WDR41: variants seen among roughly 807,000 people sequenced by gnomAD.
WDR41 encodes WD repeat-containing protein 41.
Under a neutral mutation model 69.3 loss-of-function variants are expected in WDR41, and 63 were observed. That is an observed-to-expected ratio of 0.91 (90% confidence interval 0.74 to 1.12). The LOEUF (loss-of-function observed/expected upper bound fraction) is 1.12. Among genes scored for constraint, WDR41 ranks in the 50% most tolerant of loss-of-function variants. WDR41 has a pLI of 0.00. For synonymous variants in WDR41, 185 were observed against 192.1 expected, an observed-to-expected ratio of 0.96 and a Z score of 0.31; for missense variants, 543 against 534.5, an observed-to-expected ratio of 1.02 and a Z score of -0.16.
In WDR41 at chr5:77,437,982, T is replaced by C. The variant is rs537842657; in HGVS notation, c.1004+258A>G. Among the ~76,000 whole-genome samples, 17 of 152,350 alleles carry C rather than the reference T, an allele frequency of 1.1e-4. No homozygotes were observed. In the South Asian group the frequency reaches 3.3e-3, roughly 30 times the overall value. ...GTGGCCCCAAAGTCGTTTATGTTGT[T>C]AAATACCAAATTTTAAATCATCTCT... is the stretch of plus-strand genomic sequence containing the variant. On this transcript the variant is annotated intron_variant, in intron 10 of 12. Coordinates refer to ENST00000296679, the MANE Select transcript of WDR41 (RefSeq NM_018268.4).
At chr5:77,549,533 A>C (rs562638683) in intron 1 of WDR41, among the ~76,000 whole-genome samples, 15 of 152,154 alleles carry the variant, frequency 9.9e-5, no homozygotes, top group African/African-American at 2.2e-4. Flanking sequence ...AAACACCCCC[A>C]AAAAAACAAA....
chr5:77,510,965 A>G (rs1199129562), intron 1 of WDR41, among the ~76,000 whole-genome samples: 1 of 151,796 alleles, frequency 6.6e-6, no homozygotes, highest in African/African-American at 2.4e-5. Flanking sequence ...CAGTTTCACC[A>G]TGTTGGTCAG....
At chr5:77,556,281 T>TG in intron 1 of WDR41, among the ~76,000 whole-genome samples, 2 of 151,700 alleles carry the variant, frequency 1.3e-5, no homozygotes, top group South Asian at 2.1e-4. Flanking sequence ...ATTTTTGTAT[T>TG]TTTAGTAGAC....
chr5:77,482,416 A>G (rs1455772566), intron 2 of WDR41, among the ~76,000 whole-genome samples: 1 of 152,016 alleles, frequency 6.6e-6, no homozygotes, highest in Admixed American at 6.6e-5. Context: ...TTTATCTCTA[A>G]TATCTCTTTT....
intron 5 of WDR41, among the ~76,000 whole-genome samples, chr5:77,456,453 AT>A (rs1799835801): frequency 6.6e-6 from 1 of 152,200 alleles, no homozygotes; most frequent in East Asian, 1.9e-4. Context: ...TGCTAAATCC[AT>A]TTACTAGCCT....
At chr5:77,620,507 T>C in exon 1 of WDR41, 1 of 384,394 alleles carries the variant, frequency 2.6e-6, no homozygotes, top group Admixed American at 2.9e-5. Context: ...ACTTGAACAA[T>C]TAGCTTCATG....
intron 8 of WDR41, 61 bp downstream of exon 8, chr5:77,449,699 C>A: frequency 1.9e-6 from 2 of 1,079,952 alleles, no homozygotes; most frequent in Non-Finnish European, 2.8e-6. Flanking sequence ...GGCTCGTGTT[C>A]AGAGCAGGTT....
At chr5:77,472,993 A>AGGTATC (rs1195390946) in intron 2 of WDR41, among the ~76,000 whole-genome samples, 11 of 152,228 alleles carry the variant, frequency 7.2e-5, no homozygotes, top group Non-Finnish European at 2.9e-5. Flanking sequence ...ACCAAGCTGG[A>AGGTATC]GGTATCAGGC....
chr5:77,512,355 A>AGAGAGAGAGAGAGAGT (rs1335024335), intron 1 of WDR41, among the ~76,000 whole-genome samples: 15 of 119,386 alleles, frequency 1.3e-4, no homozygotes, highest in African/African-American at 1.9e-4. Flanking sequence ...AGAGAGAGTG[A>AGAGAGAGAGAGAGAGT]GTGTGTGTGT....
chr5:77,617,738 G>T (rs928622033), intron 1 of WDR41, among the ~76,000 whole-genome samples: 2 of 152,168 alleles, frequency 1.3e-5, no homozygotes, highest in Admixed American at 6.5e-5. Flanking sequence ...TAACCAGATG[G>T]AGCAACAGGT....
chr5:77,494,301 G>C (rs567791194), upstream of WDR41, among the ~76,000 whole-genome samples: 9 of 151,898 alleles, frequency 5.9e-5, no homozygotes, highest in South Asian at 1.9e-3. Context: ...TAGAAAAATA[G>C]AAATTCCTCT....
At chr5:77,549,972 T>C (rs769067360) in intron 1 of WDR41, among the ~76,000 whole-genome samples, 21 of 151,780 alleles carry the variant, frequency 1.4e-4, no homozygotes, top group South Asian at 4.2e-4. Context: ...TTCAAAAAAG[T>C]TGACAAAAAT....
chr5:77,525,500 A>G (rs980788791), intron 1 of WDR41, among the ~76,000 whole-genome samples: 1 of 152,210 alleles, frequency 6.6e-6, no homozygotes, highest in Admixed American at 6.5e-5. Flanking sequence ...GGGCACAGAG[A>G]GACCAACTCT....
At chr5:77,608,965 T>C (rs1465736923) in intron 1 of WDR41, among the ~76,000 whole-genome samples, 1 of 152,180 alleles carries the variant, frequency 6.6e-6, no homozygotes, top group Admixed American at 6.5e-5. Flanking sequence ...ACTGCGCTTT[T>C]CCGACGGGCT....
intron 8 of WDR41, among the ~76,000 whole-genome samples, chr5:77,448,191 T>C (rs994294181): frequency 4.6e-5 from 7 of 152,128 alleles, no homozygotes; most frequent in Non-Finnish European, 1.0e-4. Context: ...ATGGGCCGAA[T>C]ACTGCTGGGC....
At chr5:77,593,226 T>G (rs1038138670) in intron 1 of WDR41, among the ~76,000 whole-genome samples, 3 of 152,128 alleles carry the variant, frequency 2.0e-5, no homozygotes, top group Non-Finnish European at 2.9e-5. Context: ...TGTATTTTAC[T>G]CTAAGGATGA....
At chr5:77,520,086 A>C (rs1802350534) in intron 1 of WDR41, among the ~76,000 whole-genome samples, 1 of 152,140 alleles carries the variant, frequency 6.6e-6, no homozygotes, top group Non-Finnish European at 1.5e-5. Context: ...CATTCAGATG[A>C]GAATGCCACG....
At position 77,527,709 on chromosome 5, in the gene WDR41, G is replaced by A. The variant is rs182441404; in HGVS notation, c.43-38137C>T. Among the ~76,000 whole-genome samples, 441 of 151,898 alleles carry A rather than the reference G, an allele frequency of 2.9e-3. 3 individuals carry two copies. Among genetic ancestry groups the A allele is most frequent in the African/African-American group, 0.01 (425 of 41,534 alleles). The stretch of plus-strand genomic sequence containing the variant: ...CATGTGTTGCAAAGCAAGTCTCCAC[G>A]AATTTCAAAGAACTGATATGAGACA... On this transcript the variant is annotated intron_variant, in intron 1 of 5. Coordinates refer to the WDR41 transcript ENST00000509971.
chr5:77,468,017 A>C (rs981393927), intron 2 of WDR41, among the ~76,000 whole-genome samples: 3 of 151,958 alleles, frequency 2.0e-5, no homozygotes, highest in Non-Finnish European at 1.5e-5. Flanking sequence ...CTCAAAAAAA[A>C]CACAAAAAAC....
Sources: gnomAD v4.1 joint callset for allele counts (sites outside exome capture counted in the v4.1 genomes callset) on GRCh38, gnomAD v4.1.1 for gene constraint, MANE v1.5 for transcripts, NCBI Gene and HGNC (gene_info 2026-07-23, HGNC 2026-07-21) for gene names.